The following MAN2A1 variants were observed in gnomAD, a reference collection of about 807,000 sequenced individuals.
MAN2A1 encodes the protein mannosidase alpha class 2A member 1.
MAN2A1 carries 76 observed loss-of-function variants against 142.6 expected under a neutral mutation model. The observed-to-expected ratio is 0.53, with a 90% confidence interval of 0.44 to 0.65. MAN2A1 has a LOEUF of 0.65. Among genes scored for constraint, MAN2A1 ranks in the 30% least tolerant of loss-of-function variants. The probability of loss-of-function intolerance (pLI) is 0.00; values close to 1 mark genes in which losing one functional copy is unlikely to be tolerated. For missense variants in MAN2A1, 1,311 were observed against 1,365.1 expected (o/e 0.96, Z 0.62); for synonymous variants, 559 against 473.2 (o/e 1.18, Z -2.35).
intron 4 of MAN2A1, among the ~76,000 whole-genome samples, chr5:109,730,798 A>T (rs1219488738): frequency 6.6e-6 from 1 of 152,202 alleles, no homozygotes; most frequent in African/African-American, 2.4e-5. Context: ...GTCGTCCAGG[A>T]TCACAGGGCA....
intron 1 of MAN2A1, among the ~76,000 whole-genome samples, chr5:109,692,516 T>TAA (rs1750700119): frequency 6.6e-6 from 1 of 152,116 alleles, no homozygotes; most frequent in Non-Finnish European, 1.5e-5. Context: ...TCTTACAGGG[T>TAA]AAAACTTAAG....
intron 16 of MAN2A1, among the ~76,000 whole-genome samples, chr5:109,825,742 C>T (rs2112733827): frequency 6.6e-6 from 1 of 152,086 alleles, no homozygotes; most frequent in East Asian, 1.9e-4. Context: ...GTGAACTGTC[C>T]AGTGGCTAAT....
At chr5:109,854,123 A>T (rs1049148089) in intron 19 of MAN2A1, 4 of 152,200 alleles carry the variant, frequency 2.6e-5, no homozygotes, top group East Asian at 3.8e-4. Context: ...TACAAAAAGG[A>T]TGCAAAATCA....
In MAN2A1 at chr5:109,845,988, G is replaced by T. The variant is rs779246774; in HGVS notation, c.2824G>T (p.Val942Phe). The change falls in exon 18 of 22, where the codon GTT becomes TTT. Residue 942 changes from valine to phenylalanine, a missense_variant. Val to Phe is a conservative substitution (Grantham distance 50). Around this residue, in one of 3 missense-constraint regions of MAN2A1, gnomAD observed 890 missense variants for 920.5 expected, o/e 0.97. Coordinates refer to ENST00000261483, the MANE Select transcript of MAN2A1 (RefSeq NM_002372.4). ...ACTGCTCTCTGCTCAGTCATTAGGG[G>T]TTTCGAGTTTGAATAGTGGTATGTA... is the stretch of plus-strand genomic sequence containing the variant. The part of the protein sequence containing the change: ...LTLLSAQSLG[V>F]SSLNSGQIEV... 1.2e-6 allele frequency: 2 copies of T among 1,612,016 alleles called. No homozygotes were observed. The highest frequency in any genetic ancestry group is 1.1e-5 in the South Asian group (1 of 90,742).
At chr5:109,776,996 A>G (rs1181882242) in intron 8 of MAN2A1, among the ~76,000 whole-genome samples, 1 of 151,984 alleles carries the variant, frequency 6.6e-6, no homozygotes, top group African/African-American at 2.4e-5. Context: ...TATTCATTGT[A>G]TTGTTATTGG....
chr5:109,776,099 T>C (rs1753284375), intron 8 of MAN2A1, among the ~76,000 whole-genome samples: 1 of 151,752 alleles, frequency 6.6e-6, no homozygotes, highest in African/African-American at 2.4e-5. Context: ...TAAATGTGTC[T>C]TAGAGACTCT....
At position 109,820,358 on chromosome 5, in the gene MAN2A1, G is replaced by A; in HGVS notation, c.2451+16G>A. 6.3e-7 allele frequency: 1 copy of A among 1,597,484 alleles called. No homozygotes were observed. The highest frequency in any genetic ancestry group is 8.5e-7 in the Non-Finnish European group (1 of 1,174,286). On this transcript the variant is annotated intron_variant, in intron 15 of 21. Transcript: ENST00000261483. ...TAATGCCAAGGTAAGTGGTACTGAT[G>A]AGATGACAAATGGAATAAACACTTA... is the stretch of plus-strand genomic sequence containing the variant.
chr5:109,705,625 T>G (rs1355817481), intron 1 of MAN2A1, among the ~76,000 whole-genome samples: 1 of 152,232 alleles, frequency 6.6e-6, no homozygotes, highest in African/African-American at 2.4e-5. Flanking sequence ...TATTAGTTTC[T>G]TATTGCTGCT....
chr5:109,786,304 G>A (rs936979209), intron 10 of MAN2A1, among the ~76,000 whole-genome samples: 3 of 151,890 alleles, frequency 2.0e-5, no homozygotes, highest in Admixed American at 6.6e-5. Flanking sequence ...TTAAAAGTGA[G>A]ACTGCTTAGA....
At chr5:109,864,307 TA>T (rs1420149102) in intron 20 of MAN2A1, 1 of 152,226 alleles carries the variant, frequency 6.6e-6, no homozygotes, top group Non-Finnish European at 1.5e-5. Flanking sequence ...TTCAGAGGCC[TA>T]AACCATTCAT....
intron 12 of MAN2A1, among the ~76,000 whole-genome samples, chr5:109,810,561 AAATC>A (rs1754288698): frequency 6.6e-6 from 1 of 152,174 alleles, no homozygotes; most frequent in South Asian, 2.1e-4. Flanking sequence ...CGTAATGAAA[AAATC>A]AACTGTGTAC....
At chr5:109,770,114 C>G (rs1472643034) in intron 6 of MAN2A1, among the ~76,000 whole-genome samples, 1 of 152,100 alleles carries the variant, frequency 6.6e-6, no homozygotes. Context: ...CATGCTGGGG[C>G]TTTCCTGTCT....
chr5:109,845,908 A>G lies in MAN2A1; in HGVS notation c.2744A>G (p.Asn915Ser). 1 of 1,613,630 alleles carries G rather than the reference A, an allele frequency of 6.2e-7. No individual in the cohort carries two copies. Among genetic ancestry groups the G allele is most frequent in the South Asian group, 1.1e-5 (1 of 91,034 alleles). The change falls in exon 18 of 22, where the codon AAT becomes AGT. Residue 915 changes from asparagine (N) to serine (S), a missense_variant. By Grantham distance (46) the Asn-to-Ser change is conservative. This residue lies in a region of MAN2A1 where 890 missense variants were observed against 920.5 expected (regional missense o/e 0.97). Transcript: ENST00000261483. ...CTGAGCAAATTGCCTCTTCAAGCAAATGTCTATCCCATGACCACAATGGCC... is the reference window on the plus strand; with the variant it reads ...CTGAGCAAATTGCCTCTTCAAGCAAGTGTCTATCCCATGACCACAATGGCC... ...MTLSKLPLQANVYPMTTMAYI... is the reference protein window; with the variant it reads ...MTLSKLPLQASVYPMTTMAYI...
At chr5:109,837,512 A>G (rs908782843) in intron 16 of MAN2A1, among the ~76,000 whole-genome samples, 1 of 152,144 alleles carries the variant, frequency 6.6e-6, no homozygotes, top group Admixed American at 6.5e-5. Context: ...ATGATGTAGT[A>G]GTTTAGTCCT....
intron 7 of MAN2A1, among the ~76,000 whole-genome samples, chr5:109,773,583 G>A (rs1179581748): frequency 6.6e-6 from 1 of 151,954 alleles, no homozygotes; most frequent in Non-Finnish European, 1.5e-5. Context: ...TAAAGATAAA[G>A]TAATGTGCTA....
intron 20 of MAN2A1, chr5:109,863,000 T>C (rs1755794351): frequency 6.6e-6 from 1 of 152,182 alleles, no homozygotes; most frequent in Admixed American, 6.5e-5. Flanking sequence ...CCTCCCCACA[T>C]TTTTTGTCCC....
Position 109,789,511 on chromosome 5 carries a change from C to T in MAN2A1, c.1927C>T (p.Leu643=), listed in dbSNP as rs1418368708. 15 of 1,582,008 alleles carry T rather than the reference C, an allele frequency of 9.5e-6. No individual in the cohort carries two copies. The highest frequency in any genetic ancestry group is 1.2e-5 in the Non-Finnish European group (14 of 1,161,680). ...TCTGCCACAAAAAAATATAATAAGGCTGAGTGCGGAGCCAAGGTAAATTCA... is the reference window on the plus strand; with the variant it reads ...TCTGCCACAAAAAAATATAATAAGGTTGAGTGCGGAGCCAAGGTAAATTCA... ...DSLPQKNIIR[L]SAEPRYLVVY... is the part of the protein sequence containing the mutation. Residue 643 remains leucine, a synonymous_variant, in exon 12 of 22, where the codon CTG becomes TTG. Coordinates refer to ENST00000261483, the MANE Select transcript of MAN2A1 (RefSeq NM_002372.4).
At chr5:109,818,437 A>C (rs1166293285) in intron 13 of MAN2A1, among the ~76,000 whole-genome samples, 1 of 152,082 alleles carries the variant, frequency 6.6e-6, no homozygotes, top group African/African-American at 2.4e-5. Flanking sequence ...AACTATAATA[A>C]AAATTTTGGT....
chr5:109,733,259 T>G (rs1388148619), intron 4 of MAN2A1, among the ~76,000 whole-genome samples: 1 of 152,216 alleles, frequency 6.6e-6, no homozygotes, highest in Non-Finnish European at 1.5e-5. Context: ...AAGGAGATTT[T>G]GGATTGAGAC....
Sources: gnomAD v4.1 joint callset for allele counts (sites outside exome capture counted in the v4.1 genomes callset) on GRCh38, gnomAD v4.1.1 for gene constraint, gnomAD v4.1.1 regional missense constraint, MANE v1.5 for transcripts, NCBI Gene and HGNC (gene_info 2026-07-23, HGNC 2026-07-21) for gene names.